The following CATSPERE variants were observed in gnomAD, a reference collection of about 807,000 sequenced individuals.
The protein encoded by CATSPERE is catsper channel auxiliary subunit epsilon.
CATSPERE carries 93 observed loss-of-function variants against 114.1 expected under a neutral mutation model. The observed-to-expected ratio is 0.81, with a 90% CI of 0.69 to 0.97. The LOEUF is 0.97. CATSPERE is among the 50% of genes least tolerant of loss of function. The probability of loss-of-function intolerance (pLI) is 0.00; values close to 1 mark genes in which losing one functional copy is unlikely to be tolerated. For missense variants in CATSPERE, 1,058 were observed against 1,131.6 expected, an observed-to-expected ratio of 0.93 and a Z score of 0.93; for synonymous variants, 341 against 384.1, an observed-to-expected ratio of 0.89 and a Z score of 1.31.
chr1:244,587,492 C>T (rs541564390), intron 13 of CATSPERE, among the ~76,000 whole-genome samples: 76 of 152,310 alleles, frequency 5.0e-4, no homozygotes, highest in African/African-American at 1.6e-3. Context: ...TGCCTTTCTC[C>T]CCTGTATCCC....
chr1:244,503,014 G>A (rs537867803), intron 7 of CATSPERE, among the ~76,000 whole-genome samples: 6 of 152,140 alleles, frequency 3.9e-5, no homozygotes, highest in Non-Finnish European at 7.3e-5. Context: ...AAGATGCAGG[G>A]ATAGACAGGC....
rs1674587965 is a variant in CATSPERE, at chr1:244,504,933, A to G, written c.429+5854A>G. On this transcript the variant is annotated intron_variant, in intron 7 of 21. Coordinates refer to ENST00000366534, the MANE Select transcript of CATSPERE (RefSeq NM_001130957.2). This position sits in a 1 kb window ranked among gnomAD's most constrained non-coding sequence, Gnocchi z 4.1. ...CCTTCTTAAGGAAAGGAGTATCTAC[A>G]TAAATATTTTTGGAATTCTTATTTT... Among the ~76,000 whole-genome samples, 1 of 152,222 alleles carries G rather than the reference A, an allele frequency of 6.6e-6. No homozygotes were observed. Among genetic ancestry groups the G allele is most frequent in the African/African-American group, 2.4e-5 (1 of 41,456 alleles).
In CATSPERE at chr1:244,617,576, A is replaced by G; in HGVS notation, c.2538A>G (p.Leu846=). The change falls in exon 20 of 22, where the codon TTA becomes TTG. Residue 846 remains leucine, a synonymous_variant. Transcript: ENST00000366534. The part of the protein sequence containing the change: ...FSYAIGKPGD[L]NQPYEIINSS... ...ATGCTATTGGAAAACCAGGAGACTT[A>G]AATCAACCATACGAGATTATCAACA... is the stretch of plus-strand genomic sequence containing the variant. The G allele has an allele frequency of 6.5e-7, 1 of 1,541,080 alleles. No individual in the cohort carries two copies. Among genetic ancestry groups the G allele is most frequent in the Non-Finnish European group, 8.7e-7 (1 of 1,144,098 alleles).
intron 2 of CATSPERE, among the ~76,000 whole-genome samples, chr1:244,471,472 G>A (rs1003191487): frequency 2.6e-4 from 39 of 152,126 alleles, no homozygotes; most frequent in Non-Finnish European, 5.0e-4. Context: ...CGTTATCACC[G>A]TAATAATGAA....
At chr1:244,617,824 C>A in intron 20 of CATSPERE, 138 bp downstream of exon 20, 1 of 708,036 alleles carries the variant, frequency 1.4e-6, no homozygotes, top group Non-Finnish European at 2.2e-6. Flanking sequence ...GTAGCAATCA[C>A]ATGAAACATT....
upstream of CATSPERE, chr1:244,451,867 T>C (rs1397444727): frequency 3.4e-6 from 5 of 1,489,442 alleles, no homozygotes; most frequent in East Asian, 2.5e-5. This position sits in a 1 kb window ranked among gnomAD's most constrained non-coding sequence, Gnocchi z 6.6. Flanking sequence ...CGGCGAGGAG[T>C]GAGCGAACTG....
chr1:244,615,950 TAAAAAAAAAAAAA>T (rs35945015), intron 19 of CATSPERE, among the ~76,000 whole-genome samples: 3 of 115,824 alleles, frequency 2.6e-5, no homozygotes, highest in Non-Finnish European at 5.2e-5. Context: ...CCCCATCTCC[TAAAAAAAAAAAAA>T]AAAAAAAAGT....
intron 9 of CATSPERE, among the ~76,000 whole-genome samples, chr1:244,556,729 A>G (rs775254954): frequency 1.8e-4 from 27 of 152,172 alleles, no homozygotes; most frequent in Non-Finnish European, 3.7e-4. Context: ...AACTAGTACA[A>G]TTTCAATTTT....
chr1:244,532,210 CT>C (rs1679727846), intron 8 of CATSPERE, among the ~76,000 whole-genome samples: 3 of 152,040 alleles, frequency 2.0e-5, no homozygotes, highest in South Asian at 4.1e-4. Context: ...AGTCTTCTCT[CT>C]TTTTTTCTTA....
At chr1:244,457,977 A>G (rs1180013264), upstream of CATSPERE, among the ~76,000 whole-genome samples, 1 of 152,170 alleles carries the variant, frequency 6.6e-6, no homozygotes, top group Admixed American at 6.5e-5. Flanking sequence ...TTATTATGTT[A>G]AATGACTGTG....
chr1:244,472,098 G>A (rs1668569912), intron 2 of CATSPERE, among the ~76,000 whole-genome samples: 2 of 152,036 alleles, frequency 1.3e-5, no homozygotes, highest in Admixed American at 6.6e-5. Flanking sequence ...AGCTGGGACT[G>A]CAGGCATGCA....
At chr1:244,505,413 A>G (rs2148303296) in intron 7 of CATSPERE, among the ~76,000 whole-genome samples, 1 of 152,336 alleles carries the variant, frequency 6.6e-6, no homozygotes, top group Non-Finnish European at 1.5e-5. Context: ...GCAAGGAAAC[A>G]TATATGTGTG....
chr1:244,625,402 T>TATATATATATATA (rs1553391554), intron 20 of CATSPERE, among the ~76,000 whole-genome samples: 2 of 45,962 alleles, frequency 4.4e-5, no homozygotes, highest in African/African-American at 9.5e-5. Context: ...ATTATTATTA[T>TATATATATATATA]TATTTATATA....
rs1319794429 is a variant in CATSPERE at position 244,581,504 on chromosome 1, A to G, written c.1951-292A>G. On this transcript the variant is annotated intron_variant, in intron 11 of 21. Transcript: ENST00000366534. Reference sequence around the variant, plus strand: ...ATAATTTTGCAACATTTTATTATGGAAAATGTCAAACATACAGAAAAGTTG... The same window carrying G: ...ATAATTTTGCAACATTTTATTATGGGAAATGTCAAACATACAGAAAAGTTG... 2.0e-5 allele frequency among the ~76,000 whole-genome samples: 3 copies of G among 152,346 alleles called. No homozygotes were observed. In the East Asian group the frequency reaches 5.8e-4, roughly 29 times the overall value.
upstream of CATSPERE, chr1:244,451,827 G>A: frequency 1.3e-6 from 2 of 1,570,078 alleles, no homozygotes; most frequent in Non-Finnish European, 1.7e-6. This position sits in a 1 kb window ranked among gnomAD's most constrained non-coding sequence, Gnocchi z 6.6. Flanking sequence ...TGGCTCCAGT[G>A]ACGCGAGGAG....
intron 10 of CATSPERE, among the ~76,000 whole-genome samples, chr1:244,567,772 C>T (rs977711264): frequency 2.6e-5 from 4 of 151,906 alleles, no homozygotes; most frequent in Non-Finnish European, 5.9e-5. Context: ...AGTTTCCTTG[C>T]ATTGGGTTAG....
intron 8 of CATSPERE, among the ~76,000 whole-genome samples, chr1:244,529,436 A>G (rs1379827376): frequency 6.6e-6 from 1 of 152,182 alleles, no homozygotes; most frequent in Non-Finnish European, 1.5e-5. Context: ...GCACCTTTTC[A>G]TATACCTATT....
chr1:244,554,008 AT>A (rs1374554436), intron 9 of CATSPERE, among the ~76,000 whole-genome samples: 2 of 152,064 alleles, frequency 1.3e-5, no homozygotes, highest in East Asian at 3.9e-4. Flanking sequence ...TGATTTTGTT[AT>A]TTTTATGGCC....
At chr1:244,580,211 A>ATTTTTTT (rs747379847) in intron 11 of CATSPERE, among the ~76,000 whole-genome samples, 3 of 110,850 alleles carry the variant, frequency 2.7e-5, no homozygotes, top group African/African-American at 6.4e-5. Context: ...TAATTTTTGT[A>ATTTTTTT]TTTTTTTTTT....
Sources: allele counts gnomAD v4.1 joint callset (sites outside exome capture counted in the v4.1 genomes callset), GRCh38; gene constraint gnomAD v4.1.1; non-coding constraint Gnocchi (gnomAD v3.1); transcripts MANE v1.5; gene names NCBI Gene and HGNC (gene_info 2026-07-23, HGNC 2026-07-21).